The following LAMB4 variants were observed in gnomAD, a reference collection of about 807,000 sequenced individuals.
LAMB4 encodes the protein laminin subunit beta 4.
In LAMB4, 196 loss-of-function variants were observed where a neutral mutation model predicts 199.2. That is an observed-to-expected ratio of 0.98 (90% confidence interval 0.88 to 1.11). The LOEUF (loss-of-function observed/expected upper bound fraction) is 1.11, where lower values mean the gene tolerates loss of function less well. Among genes scored for constraint, LAMB4 ranks in the 50% least tolerant of loss-of-function variants. The pLI is 0.00. For missense variants in LAMB4, 2,080 were observed against 2,171.2 expected (o/e 0.96, Z 0.83); for synonymous variants, 744 against 770.6 (o/e 0.97, Z 0.57).
intron 26 of LAMB4, 117 bp from the exon 27 acceptor site, chr7:108,049,648 T>C: frequency 3.5e-6 from 2 of 571,282 alleles, no homozygotes; most frequent in South Asian, 4.7e-5. Flanking sequence ...ACTATCACCA[T>C]AAAATTTCAA....
At chr7:108,043,545 G>GTTTTTTTTTTGTTTTTTTTTTTTTTT (rs2035498168) in intron 29 of LAMB4, among the ~76,000 whole-genome samples, 1 of 56,002 alleles carries the variant, frequency 1.8e-5, no homozygotes, top group African/African-American at 1.5e-4. Flanking sequence ...TGGCTATGAT[G>GTTTTTTTTTTGTTTTTTTTTTTTTTT]TTTTTTTTTT....
chr7:108,039,086 G>A (rs1293291656), intron 29 of LAMB4, among the ~76,000 whole-genome samples: 1 of 152,142 alleles, frequency 6.6e-6, no homozygotes, highest in Non-Finnish European at 1.5e-5. Flanking sequence ...AGGGGTAAGA[G>A]ATATTCTAAA....
At chr7:108,091,581 A>G in intron 14 of LAMB4, 45 bp downstream of exon 14, 1 of 1,583,706 alleles carries the variant, frequency 6.3e-7, no homozygotes, top group Non-Finnish European at 8.6e-7. Context: ...GTTTACTGAC[A>G]TATCATCAAA....
chr7:108,129,909 T>C (rs2038921033), intron 1 of LAMB4, among the ~76,000 whole-genome samples: 1 of 152,248 alleles, frequency 6.6e-6, no homozygotes, highest in African/African-American at 2.4e-5. Flanking sequence ...TAACAAAATA[T>C]TTTGAAAATA....
intron 5 of LAMB4, 81 bp from the exon 6 acceptor site, chr7:108,107,900 T>G (rs2038082798): frequency 5.0e-6 from 5 of 992,414 alleles, no homozygotes; most frequent in Non-Finnish European, 7.3e-6. Context: ...TTGTATTTTC[T>G]AATTCCATTT....
chr7:108,121,014 A>C (rs2038579887), intron 2 of LAMB4, among the ~76,000 whole-genome samples: 1 of 152,264 alleles, frequency 6.6e-6, no homozygotes, highest in Non-Finnish European at 1.5e-5. Context: ...TAAATAGTTA[A>C]AGTTTCATGC....
intron 33 of LAMB4, among the ~76,000 whole-genome samples, chr7:108,027,663 T>G (rs1242301032): frequency 6.6e-6 from 1 of 152,210 alleles, no homozygotes; most frequent in African/African-American, 2.4e-5. Context: ...AACTATAAAA[T>G]TACCATCTGA....
At position 108,043,850 on chromosome 7, in the gene LAMB4, A is replaced by G; in HGVS notation, c.4373T>C (p.Leu1458Ser). 6.2e-7 allele frequency: 1 copy of G among 1,609,082 alleles called. No individual in the cohort carries two copies. Among genetic ancestry groups the G allele is most frequent in the Non-Finnish European group, 8.5e-7 (1 of 1,177,944 alleles). ...ATTTCCCAGTTTTTCCCTCAGCTGT[A>G]AGGCATTGTTTTTGGAGACTTCTGC... ...EQAEVSKNNA[L>S]QLREKLGNIR... Residue 1458 changes from leucine (L) to serine (S), a missense_variant, in exon 29 of 34, where the codon TTA (leucine) becomes TCA (serine). Leu to Ser is a moderately radical substitution (Grantham distance 145). Transcript: ENST00000388781.
In LAMB4 at chr7:108,037,405, C is replaced by A. The variant is rs1413736566; in HGVS notation, c.4662G>T (p.Val1554=). The A allele has an allele frequency of 6.2e-7, 1 of 1,613,726 alleles. No homozygotes were observed. Among genetic ancestry groups the A allele is most frequent in the African/African-American group, 1.3e-5 (1 of 74,914 alleles). ...GTACTTACTCAGCTGCTTTGGCCTT[C>A]ACCAAAAGCTTTTGGGCTCCATCTG... is the stretch of plus-strand genomic sequence containing the variant. ...EEADGAQKLL[V]KAKAAEKAAN... is the part of the protein sequence containing the mutation. Residue 1554 remains valine, a synonymous_variant, in exon 30 of 34, where the codon GTG becomes GTT. Coordinates refer to ENST00000388781, the MANE Select transcript of LAMB4 (RefSeq NM_007356.3).
At chr7:108,085,486 T>G (rs1472226944) in intron 14 of LAMB4, among the ~76,000 whole-genome samples, 2 of 152,206 alleles carry the variant, frequency 1.3e-5, no homozygotes, top group African/African-American at 4.8e-5. Context: ...AACAAAATGC[T>G]CTGACAAACT....
In LAMB4 at chr7:108,106,010, A is replaced by G. The variant is rs761814443; in HGVS notation, c.677T>C (p.Leu226Pro). Residue 226 changes from leucine (L) to proline (P), a missense_variant, in exon 8 of 34, where the codon CTG (leucine) becomes CCG (proline). Physicochemically the swap from Leu to Pro is moderately conservative, Grantham distance 98. Transcript: ENST00000388781. ...GTGGAGCTTGGTAAAGTTTATCCTCAGGTTTGTCAATGTCACAAGGTCTAA... is the reference window on the plus strand; with the variant it reads ...GTGGAGCTTGGTAAAGTTTATCCTCGGGTTTGTCAATGTCACAAGGTCTAA... ...YIQDLVTLTNLRINFTKLHTL... is the reference protein window; with the variant it reads ...YIQDLVTLTNPRINFTKLHTL... 5.0e-6 allele frequency: 8 copies of G among 1,613,766 alleles called. No homozygotes were observed. Among genetic ancestry groups the G allele is most frequent in the Non-Finnish European group, 6.8e-6 (8 of 1,179,892 alleles).
intron 3 of LAMB4, among the ~76,000 whole-genome samples, chr7:108,112,526 C>T (rs764693296): frequency 3.9e-5 from 6 of 152,068 alleles, no homozygotes; most frequent in Non-Finnish European, 8.8e-5. Flanking sequence ...CTCTTGGCCT[C>T]AAGTGATCTG....
chr7:108,084,767 T>C (rs1314317712), intron 14 of LAMB4, among the ~76,000 whole-genome samples: 2 of 139,522 alleles, frequency 1.4e-5, no homozygotes, highest in East Asian at 4.4e-4. Flanking sequence ...CCAAGAAACA[T>C]AAACAACCAA....
chr7:108,071,744 A>T (rs1462020075), intron 17 of LAMB4, among the ~76,000 whole-genome samples: 1 of 152,054 alleles, frequency 6.6e-6, no homozygotes, highest in African/African-American at 2.4e-5. Context: ...TTCCCCTGCC[A>T]CTTCCCTAAT....
At chr7:108,042,658 G>A (rs559115461) in intron 29 of LAMB4, among the ~76,000 whole-genome samples, 10 of 152,104 alleles carry the variant, frequency 6.6e-5, no homozygotes, top group Non-Finnish European at 1.0e-4. Context: ...ATTTCCACCT[G>A]ATTTTTGTTT....
At chr7:108,017,606 T>A in the LAMB4 span, among the ~76,000 whole-genome samples, 1 of 152,184 alleles carries the variant, frequency 6.6e-6, no homozygotes, top group Admixed American at 6.5e-5. Context: ...TGATGTCTGG[T>A]TAGAAAAGGC....
chr7:108,087,823 GT>G (rs1429289273), intron 14 of LAMB4, among the ~76,000 whole-genome samples: 1 of 152,186 alleles, frequency 6.6e-6, no homozygotes, highest in Non-Finnish European at 1.5e-5. Flanking sequence ...GAAATTACTT[GT>G]TTTGCAAAGA....
Position 108,066,446 on chromosome 7 carries a change from C to T in LAMB4, c.2601G>A (p.Arg867=). 1 of 1,614,204 alleles carries T rather than the reference C, an allele frequency of 6.2e-7. No homozygotes were observed. The highest frequency in any genetic ancestry group is 8.5e-7 in the Non-Finnish European group (1 of 1,180,034). The change falls in exon 20 of 34, where the codon AGG becomes AGA. Residue 867 remains arginine, a synonymous_variant. Coordinates refer to ENST00000388781, the MANE Select transcript of LAMB4 (RefSeq NM_007356.3). ...TCTCAGGATCACAAAGTTCAGCAAACCTATTACAAGGGCAAGGGTGGCAGC... is the reference window on the plus strand; with the variant it reads ...TCTCAGGATCACAAAGTTCAGCAAATCTATTACAAGGGCAAGGGTGGCAGC... ...FPSCHPCPCN[R]FAELCDPETG... is the part of the protein sequence containing the mutation.
Position 108,107,755 on chromosome 7 carries a change from A to T in LAMB4, c.467T>A (p.Phe156Tyr), listed in dbSNP as rs751846589. Residue 156 changes from phenylalanine to tyrosine, a missense_variant, in exon 6 of 34, where the codon TTC (phenylalanine) becomes TAC (tyrosine). Transcript: ENST00000388781. ...GGCACAGTCTTTTGCAAAATATTTG[A>T]ACACTTTCCAGTTGTGTCCATAGTC... ...STDYGHNWKV[F>Y]KYFAKDCATS... The T allele has an allele frequency of 6.2e-7, 1 of 1,613,870 alleles. No individual in the cohort carries two copies.
Sources: allele counts gnomAD v4.1 joint callset (sites outside exome capture counted in the v4.1 genomes callset), GRCh38; gene constraint gnomAD v4.1.1; transcripts MANE v1.5; gene names NCBI Gene and HGNC (gene_info 2026-07-23, HGNC 2026-07-21).